Variants in ZNF487 observed in about 807,000 individuals in gnomAD.
ZNF487 encodes the protein KRAB domain only 1.
Under a neutral mutation model 3.0 loss-of-function variants are expected in ZNF487, and 4 were observed. The observed-to-expected ratio is 1.35, with a 90% CI of 0.66 to 3.08. The LOEUF is 3.08. Among genes scored for constraint, ZNF487 ranks in the 30% most tolerant of loss-of-function variants. The probability of loss-of-function intolerance (pLI) is 0.01; values close to 1 mark genes in which losing one functional copy is unlikely to be tolerated. For synonymous variants in ZNF487, 55 were observed against 34.6 expected (o/e 1.59, Z -2.06); for missense variants, 146 against 98.7 (o/e 1.48, Z -2.03).
chr10:43,518,966 A>G, the ZNF487 span, among the ~76,000 whole-genome samples: 4 of 152,252 alleles, frequency 2.6e-5, no homozygotes, highest in Admixed American at 2.6e-4. Context: ...AAGTAAAATT[A>G]TATCTCACAA....
the ZNF487 span, among the ~76,000 whole-genome samples, chr10:43,518,675 A>T: frequency 6.6e-6 from 1 of 152,172 alleles, no homozygotes; most frequent in Non-Finnish European, 1.5e-5. Flanking sequence ...CAATTGTCCC[A>T]TAATAACATA....
At chr10:43,493,707 AAAATATATATATATATAT>A in the ZNF487 span, among the ~76,000 whole-genome samples, 1 of 53,888 alleles carries the variant, frequency 1.9e-5, no homozygotes, top group African/African-American at 7.6e-5. Context: ...AAAAAAAAAA[AAAATATATATATATATAT>A]ATATATATAT....
rs80315862 is a variant in ZNF487, at chr10:43,444,695, A to G, written c.-94+7433A>G. ...GTCAGCCTCTCATCTCAGCATCCCAAGTGGCTGGGACCACAGGCGCACACC... is the reference window on the plus strand; with the variant it reads ...GTCAGCCTCTCATCTCAGCATCCCAGGTGGCTGGGACCACAGGCGCACACC... On this transcript the variant is annotated intron_variant, in intron 1 of 3. Transcript: ENST00000437590. Among the ~76,000 whole-genome samples the G allele has an allele frequency of 6.1e-3, 931 of 152,150 alleles. 9 individuals are homozygous for G. The highest frequency in any genetic ancestry group is 0.018 in the African/African-American group (738 of 41,514).
At chr10:43,446,921 C>G (rs995606932) in intron 1 of ZNF487, among the ~76,000 whole-genome samples, 1 of 152,094 alleles carries the variant, frequency 6.6e-6, no homozygotes, top group Non-Finnish European at 1.5e-5. Context: ...ACTGAGTGAG[C>G]GAGACTCTGT....
At chr10:43,437,524 T>C (rs1410976147) in intron 1 of ZNF487, among the ~76,000 whole-genome samples, 1 of 152,112 alleles carries the variant, frequency 6.6e-6, no homozygotes, top group African/African-American at 2.4e-5. Flanking sequence ...GGGAGAGTCC[T>C]GGACGAGTGA....
the ZNF487 span, among the ~76,000 whole-genome samples, chr10:43,513,778 G>A: frequency 0.045 from 6,836 of 152,238 alleles, 225 homozygotes; most frequent in South Asian, 0.12. Flanking sequence ...TGGACCCACT[G>A]TAAGTTGGGC....
chr10:43,465,936 G>A (rs1418952948), intron 1 of ZNF487, among the ~76,000 whole-genome samples: 5 of 152,206 alleles, frequency 3.3e-5, no homozygotes, highest in South Asian at 2.1e-4. Context: ...CTGCAATCCC[G>A]GCACCTCGGG....
the ZNF487 span, among the ~76,000 whole-genome samples, chr10:43,492,003 G>A: frequency 4.0e-5 from 6 of 151,594 alleles, no homozygotes; most frequent in African/African-American, 7.3e-5. Flanking sequence ...GTGTGATCAC[G>A]GCTCACTGCA....
In ZNF487 at chr10:43,475,797, C is replaced by T. The variant is rs765322163; in HGVS notation, c.-17C>T. 24 of 780,628 alleles carry T rather than the reference C, an allele frequency of 3.1e-5. No individual in the cohort carries two copies. The highest frequency in any genetic ancestry group is 4.8e-5 in the Non-Finnish European group (20 of 418,032). The allele number at this position is 780,628 out of a possible 1,614,324, so 48.4% of individuals were successfully genotyped here. On this transcript the variant is annotated 5_prime_UTR_variant, in exon 2 of 4. Coordinates refer to ENST00000437590, the MANE Select transcript of ZNF487 (RefSeq NM_001355444.3). The stretch of plus-strand genomic sequence containing the variant: ...CAGCATCTGGACTCTGCTCAGAGGA[C>T]CCCGTACAGAGACATGATGCTGGAG...
At chr10:43,519,657 G>A in the ZNF487 span, among the ~76,000 whole-genome samples, 35 of 152,054 alleles carry the variant, frequency 2.3e-4, no homozygotes, top group Non-Finnish European at 4.6e-4. Flanking sequence ...TAGTAGAAAC[G>A]GAGTTTTACC....
the ZNF487 span, chr10:43,523,491 A>T: frequency 6.6e-6 from 1 of 152,248 alleles, no homozygotes; most frequent in Admixed American, 6.5e-5. Flanking sequence ...AGGAAGCTTG[A>T]TGAGCTCAGT....
chr10:43,451,556 C>CATT (rs753124495), intron 1 of ZNF487, among the ~76,000 whole-genome samples: 14 of 148,660 alleles, frequency 9.4e-5, no homozygotes, highest in Non-Finnish European at 1.6e-4. Flanking sequence ...AAGTTTGCAC[C>CATT]ATTATTATTA....
At chr10:43,504,176 A>C in the ZNF487 span, among the ~76,000 whole-genome samples, 1 of 152,054 alleles carries the variant, frequency 6.6e-6, no homozygotes, top group African/African-American at 2.4e-5. Flanking sequence ...TTGATTATTG[A>C]TAATGAAGGA....
intron 1 of ZNF487, among the ~76,000 whole-genome samples, chr10:43,443,765 C>G (rs776853395): frequency 6.6e-6 from 1 of 151,768 alleles, no homozygotes; most frequent in Non-Finnish European, 1.5e-5. Context: ...TCAAGCAATT[C>G]CCCCCAACTC....
chr10:43,452,003 G>C (rs1231102824), intron 1 of ZNF487: 1 of 152,276 alleles, frequency 6.6e-6, no homozygotes, highest in African/African-American at 2.4e-5. Context: ...AAACCTGCAT[G>C]ATGAGAACAA....
intron 1 of ZNF487, among the ~76,000 whole-genome samples, chr10:43,469,514 T>TTAAAA (rs1840829001): frequency 6.6e-6 from 1 of 151,932 alleles, no homozygotes; most frequent in Admixed American, 6.6e-5. Context: ...ATTTATTTTT[T>TTAAAA]TAAATAAATA....
intron 1 of ZNF487, among the ~76,000 whole-genome samples, chr10:43,445,886 T>G (rs372896669): frequency 2.6e-5 from 4 of 152,102 alleles, no homozygotes; most frequent in Non-Finnish European, 5.9e-5. Context: ...TGACTCTTAA[T>G]GAGCATGCTG....
At chr10:43,471,794 T>C (rs187581983) in intron 1 of ZNF487, among the ~76,000 whole-genome samples, 1 of 152,294 alleles carries the variant, frequency 6.6e-6, no homozygotes, top group Admixed American at 6.5e-5. Context: ...GCACTCAGAA[T>C]GGACAGTGTG....
downstream of ZNF487, among the ~76,000 whole-genome samples, chr10:43,486,081 A>G (rs986557611): frequency 6.6e-5 from 10 of 152,244 alleles, no homozygotes; most frequent in African/African-American, 2.4e-4. Context: ...CAACATTAAT[A>G]TAATAGTTGA....
Sources: allele counts gnomAD v4.1 joint callset (sites outside exome capture counted in the v4.1 genomes callset), GRCh38; gene constraint gnomAD v4.1.1; transcripts MANE v1.5; gene names NCBI Gene and HGNC (gene_info 2026-07-23, HGNC 2026-07-21).